ABCD3: variants seen among roughly 807,000 people sequenced by gnomAD.
ABCD3 encodes ATP binding cassette subfamily D member 3.
In ABCD3, 41 loss-of-function variants were observed where a neutral mutation model predicts 105.5. That is an observed-to-expected ratio of 0.39 (90% CI 0.30 to 0.50). The LOEUF (loss-of-function observed/expected upper bound fraction) is 0.50. Ranked by LOEUF, ABCD3 falls within the 20% of genes least tolerant of loss-of-function variation. ABCD3 has a pLI of 0.84. For synonymous variants in ABCD3, 258 were observed against 269.0 expected (o/e 0.96, Z 0.40); for missense variants, 622 against 806.3 (o/e 0.77, Z 2.77).
chr1:94,414,201 G>A (rs1256707351), upstream of ABCD3, among the ~76,000 whole-genome samples: 8 of 152,138 alleles, frequency 5.3e-5, no homozygotes, highest in Admixed American at 4.6e-4. Context: ...TCTTGGTGAT[G>A]AGAAACTAGT....
chr1:94,460,031 A>G (rs1647791917), intron 2 of ABCD3, among the ~76,000 whole-genome samples: 1 of 152,036 alleles, frequency 6.6e-6, no homozygotes, highest in South Asian at 2.1e-4. Context: ...GGTTGCTTCT[A>G]CTTTTTGGCT....
chr1:94,452,357 T>C (rs1232356188), intron 1 of ABCD3, among the ~76,000 whole-genome samples: 1 of 152,154 alleles, frequency 6.6e-6, no homozygotes, highest in African/African-American at 2.4e-5. Flanking sequence ...CAGTATTAGG[T>C]TGAAGCATGT....
the ABCD3 span, among the ~76,000 whole-genome samples, chr1:94,412,084 C>A: frequency 6.6e-6 from 1 of 151,934 alleles, no homozygotes; most frequent in Non-Finnish European, 1.5e-5. Context: ...TGGGAGTTGC[C>A]CCACATTGTA....
intron 1 of ABCD3, among the ~76,000 whole-genome samples, chr1:94,423,135 A>G (rs1185573986): frequency 2.0e-5 from 3 of 152,202 alleles, no homozygotes; most frequent in Non-Finnish European, 4.4e-5. Flanking sequence ...CATACCTAGA[A>G]TATCTTTCTA....
chr1:94,498,723 A>G (rs1649954593), intron 17 of ABCD3, 44 bp downstream of exon 17: 5 of 1,613,044 alleles, frequency 3.1e-6, no homozygotes, highest in Non-Finnish European at 4.2e-6. Context: ...TTATTTTGCC[A>G]TACTGTCTAC....
In ABCD3 at chr1:94,508,002, C is replaced by A. The variant is rs1365976839; in HGVS notation, c.1845+1360C>A. Among the ~76,000 whole-genome samples, 3 of 147,258 alleles carry A rather than the reference C, an allele frequency of 2.0e-5. No homozygotes were observed. In the East Asian group the frequency reaches 5.9e-4, roughly 29 times the overall value. On this transcript the variant is annotated intron_variant, in intron 21 of 22. Transcript: ENST00000370214. ...CAGAAGCTCTTTAGTTTAATTAGAT[C>A]CCATTTGTCAATTTTGGCTTTTGTT...
intron 1 of ABCD3, among the ~76,000 whole-genome samples, chr1:94,436,354 A>G (rs1217220409): frequency 6.6e-6 from 1 of 152,240 alleles, no homozygotes; most frequent in Non-Finnish European, 1.5e-5. Context: ...GGAAATATTC[A>G]GTTGCGTTAT....
intron 1 of ABCD3, among the ~76,000 whole-genome samples, chr1:94,450,224 T>G (rs1660525896): frequency 6.6e-6 from 1 of 152,248 alleles, no homozygotes; most frequent in Non-Finnish European, 1.5e-5. Flanking sequence ...CAGATGTGGA[T>G]TCCAACTCCT....
At chr1:94,515,274 GT>G in intron 22 of ABCD3, 72 bp downstream of exon 22, 2 of 1,286,478 alleles carry the variant, frequency 1.6e-6, no homozygotes, top group Non-Finnish European at 2.2e-6. Flanking sequence ...GGTTAATATG[GT>G]TTTAGATTTT....
At chr1:94,394,767 A>G in the ABCD3 span, among the ~76,000 whole-genome samples, 1 of 152,182 alleles carries the variant, frequency 6.6e-6, no homozygotes. Context: ...CAAGAGACCT[A>G]AAGTGTTGTG....
At chr1:94,405,980 G>C in the ABCD3 span, among the ~76,000 whole-genome samples, 334 of 150,272 alleles carry the variant, frequency 2.2e-3, 1 homozygote, top group African/African-American at 7.9e-3. Flanking sequence ...TGAATTTTTA[G>C]TAACAGAAAA....
intron 2 of ABCD3, among the ~76,000 whole-genome samples, chr1:94,463,741 A>G (rs1382323798): frequency 2.0e-5 from 3 of 152,182 alleles, no homozygotes; most frequent in African/African-American, 7.2e-5. Flanking sequence ...GCTAGTGAAA[A>G]TGAAAAAACT....
chr1:94,483,322 C>A, intron 10 of ABCD3, 83 bp downstream of exon 10: 1 of 925,596 alleles, frequency 1.1e-6, no homozygotes, highest in Admixed American at 1.8e-5. Flanking sequence ...GACACACATA[C>A]ACACACACAC....
chr1:94,480,690 T>A, intron 9 of ABCD3, 84 bp downstream of exon 9: 1 of 1,415,380 alleles, frequency 7.1e-7, no homozygotes, highest in South Asian at 1.2e-5. Context: ...AAAAGTCTAG[T>A]GACACTGTTA....
chr1:94,408,173 T>C, the ABCD3 span, among the ~76,000 whole-genome samples: 2 of 152,190 alleles, frequency 1.3e-5, no homozygotes, highest in African/African-American at 2.4e-5. Context: ...GCAAAGAAGA[T>C]TTTATTTTGA....
intron 13 of ABCD3, 110 bp downstream of exon 13, chr1:94,488,093 G>C: frequency 1.1e-6 from 1 of 928,872 alleles, no homozygotes; most frequent in Non-Finnish European, 1.7e-6. Flanking sequence ...TCCTAGCCCA[G>C]GAAGGTGGTT....
the ABCD3 span, among the ~76,000 whole-genome samples, chr1:94,413,146 A>G: frequency 6.6e-6 from 1 of 152,152 alleles, no homozygotes. Context: ...CCAAGATTAT[A>G]AGATAAATGT....
chr1:94,477,930 A>G (rs1364878209), intron 7 of ABCD3, among the ~76,000 whole-genome samples: 1 of 152,230 alleles, frequency 6.6e-6, no homozygotes, highest in Non-Finnish European at 1.5e-5. Context: ...GTGTCTTTAC[A>G]TTATATTGAC....
At chr1:94,396,590 AGTGTGT>A in the ABCD3 span, among the ~76,000 whole-genome samples, 1 of 151,252 alleles carries the variant, frequency 6.6e-6, no homozygotes, top group Non-Finnish European at 1.5e-5. Flanking sequence ...TGTGAATAGA[AGTGTGT>A]GTGTGTGTGT....
Sources: allele counts gnomAD v4.1 joint callset (sites outside exome capture counted in the v4.1 genomes callset), GRCh38; gene constraint gnomAD v4.1.1; transcripts MANE v1.5; gene names NCBI Gene and HGNC (gene_info 2026-07-23, HGNC 2026-07-21).